PTCHD4: variants seen among roughly 807,000 people sequenced by gnomAD.
The protein encoded by PTCHD4 is patched domain containing 4.
PTCHD4 carries 33 observed loss-of-function variants against 58.1 expected under a neutral mutation model. The ratio of observed to expected loss-of-function variants is 0.57; its 90% CI spans 0.43 to 0.76. The LOEUF (loss-of-function observed/expected upper bound fraction) is 0.76, where lower values mean the gene tolerates loss of function less well. Among genes scored for constraint, PTCHD4 ranks in the 30% least tolerant of loss-of-function variants. The pLI is 0.00. For missense variants in PTCHD4, 1,058 were observed against 1,027.1 expected, an observed-to-expected ratio of 1.03 and a Z score of -0.41; for synonymous variants, 478 against 409.6, an observed-to-expected ratio of 1.17 and a Z score of -2.02.
At position 47,987,838 on chromosome 6, in the gene PTCHD4, G is replaced by A. The variant is rs147412538; in HGVS notation, c.898+20796C>T. 5.3e-3 allele frequency among the ~76,000 whole-genome samples: 806 copies of A among 151,222 alleles called. 5 individuals are homozygous for A. Among genetic ancestry groups the A allele is most frequent in the African/African-American group, 0.017 (718 of 41,106 alleles). On this transcript the variant is annotated intron_variant, in intron 4 of 4. Coordinates refer to ENST00000339488, the MANE Select transcript of PTCHD4 (RefSeq NM_001384253.1). ...GTTGCCCAGGCTGGAGTACAGTGGC[G>A]TGATCTCAGCTTACTGCAGTCTCTG... is the stretch of plus-strand genomic sequence containing the variant.
chr6:48,103,346 CT>C (rs1446512119), intron 1 of PTCHD4, among the ~76,000 whole-genome samples: 2 of 152,240 alleles, frequency 1.3e-5, no homozygotes, highest in Non-Finnish European at 2.9e-5. Context: ...CAAACAGGGT[CT>C]GCAGTGGACC....
chr6:48,037,229 TATC>T (rs1763671291), intron 3 of PTCHD4, among the ~76,000 whole-genome samples: 3 of 152,284 alleles, frequency 2.0e-5, no homozygotes, highest in African/African-American at 7.2e-5. Context: ...AGTATATTGT[TATC>T]ATTGTTCTCT....
At chr6:47,890,825 T>G in intron 4 of PTCHD4, 2 of 901,688 alleles carry the variant, frequency 2.2e-6, no homozygotes, top group Non-Finnish European at 2.7e-6. Context: ...TGGCTTGCTT[T>G]CCTGCTCTCT....
At chr6:47,914,684 A>G (rs1765176354) in intron 4 of PTCHD4, among the ~76,000 whole-genome samples, 1 of 119,060 alleles carries the variant, frequency 8.4e-6, no homozygotes. Flanking sequence ...GAACCTATCT[A>G]TCTATCTATC....
chr6:47,939,123 T>C (rs2113920775), intron 4 of PTCHD4, among the ~76,000 whole-genome samples: 1 of 152,236 alleles, frequency 6.6e-6, no homozygotes, highest in Non-Finnish European at 1.5e-5. Flanking sequence ...AAGAGGTAGC[T>C]GAGCCTGAGT....
At chr6:47,977,751 G>T (rs1767748326) in intron 4 of PTCHD4, among the ~76,000 whole-genome samples, 2 of 152,080 alleles carry the variant, frequency 1.3e-5, no homozygotes, top group Non-Finnish European at 2.9e-5. Flanking sequence ...ATAAAAGAAT[G>T]ACATTTTTCA....
chr6:47,945,349 T>C (rs1429349290), intron 4 of PTCHD4, among the ~76,000 whole-genome samples: 1 of 152,104 alleles, frequency 6.6e-6, no homozygotes, highest in Non-Finnish European at 1.5e-5. Flanking sequence ...ACTTGTTTAT[T>C]TTAGTGAAAA....
intron 3 of PTCHD4, among the ~76,000 whole-genome samples, chr6:48,013,957 G>A (rs1174083309): frequency 1.3e-5 from 2 of 151,894 alleles, no homozygotes; most frequent in African/African-American, 2.4e-5. Context: ...GGCTAGTGTC[G>A]GTTTTTAAAC....
chr6:47,969,827 C>A (rs1767434991), intron 4 of PTCHD4, among the ~76,000 whole-genome samples: 1 of 152,056 alleles, frequency 6.6e-6, no homozygotes, highest in South Asian at 2.1e-4. Context: ...TTGAAATTTA[C>A]CAATATTGAC....
chr6:47,942,894 T>G (rs1276690512), intron 4 of PTCHD4, among the ~76,000 whole-genome samples: 2 of 152,226 alleles, frequency 1.3e-5, no homozygotes, highest in Non-Finnish European at 1.5e-5. Flanking sequence ...CAAGAATATG[T>G]CAGGTAACCT....
chr6:47,907,239 A>G (rs1217104750), intron 4 of PTCHD4, among the ~76,000 whole-genome samples: 1 of 152,162 alleles, frequency 6.6e-6, no homozygotes, highest in African/African-American at 2.4e-5. Flanking sequence ...ATTTCCTGAG[A>G]TTCTGCAGCC....
At chr6:47,954,538 G>A (rs1304878424) in intron 4 of PTCHD4, among the ~76,000 whole-genome samples, 3 of 152,188 alleles carry the variant, frequency 2.0e-5, no homozygotes, top group East Asian at 1.9e-4. Flanking sequence ...CCTGTGTCTA[G>A]TGATAGATGG....
intron 3 of PTCHD4, among the ~76,000 whole-genome samples, chr6:48,067,436 C>T (rs1310783318): frequency 2.6e-5 from 4 of 152,044 alleles, no homozygotes; most frequent in Admixed American, 6.6e-5. Context: ...GATCACTGGA[C>T]TCAGTTATCT....
chr6:48,101,521 G>A (rs918110665), intron 1 of PTCHD4, among the ~76,000 whole-genome samples: 26 of 152,196 alleles, frequency 1.7e-4, no homozygotes, highest in African/African-American at 5.3e-4. Flanking sequence ...CTCATGGGAT[G>A]TAGTCATAAA....
intron 1 of PTCHD4, among the ~76,000 whole-genome samples, chr6:48,105,412 G>A (rs933797997): frequency 5.3e-5 from 8 of 151,958 alleles, no homozygotes; most frequent in Non-Finnish European, 1.0e-4. Context: ...GAGAACAAAG[G>A]CACAACATAC....
rs574599636 is a variant in PTCHD4 at position 47,992,267 on chromosome 6, G to GTA, written c.898+16365_898+16366dup. The stretch of plus-strand genomic sequence containing the variant: ...TAATTCACCAAGATGATATAATTGT[G>GTA]TATATATATACACACACACACGTGA... On this transcript the variant is annotated intron_variant, in intron 4 of 4. Transcript: ENST00000339488. Among the ~76,000 whole-genome samples, 671 of 152,130 alleles carry GTA rather than the reference G, an allele frequency of 4.4e-3. 2 individuals are homozygous for GTA. Among genetic ancestry groups the GTA allele is most frequent in the Non-Finnish European group, 5.9e-3 (402 of 67,954 alleles).
At chr6:47,940,901 A>G (rs1456305339) in intron 4 of PTCHD4, among the ~76,000 whole-genome samples, 1 of 152,182 alleles carries the variant, frequency 6.6e-6, no homozygotes, top group Non-Finnish European at 1.5e-5. Context: ...GGTAAGCCTA[A>G]TATCTCCCAT....
chr6:48,098,854 C>T (rs1431247744), intron 1 of PTCHD4, among the ~76,000 whole-genome samples: 3 of 152,024 alleles, frequency 2.0e-5, no homozygotes, highest in Non-Finnish European at 4.4e-5. Flanking sequence ...CAAATATAAG[C>T]TATAATTAAA....
At chr6:48,045,060 C>T (rs1313322706) in intron 3 of PTCHD4, among the ~76,000 whole-genome samples, 1 of 151,762 alleles carries the variant, frequency 6.6e-6, no homozygotes, top group African/African-American at 2.4e-5. Flanking sequence ...GCCCTTCCAT[C>T]TCTGCCACAA....
Sources: gnomAD v4.1 joint callset for allele counts (sites outside exome capture counted in the v4.1 genomes callset) on GRCh38, gnomAD v4.1.1 for gene constraint, MANE v1.5 for transcripts, NCBI Gene and HGNC (gene_info 2026-07-23, HGNC 2026-07-21) for gene names.